USP33: variants seen among roughly 807,000 people sequenced by gnomAD.
USP33 encodes the protein ubiquitin specific peptidase 33.
Under a neutral mutation model 124.2 loss-of-function variants are expected in USP33, and 46 were observed. That is an observed-to-expected ratio of 0.37 (90% CI 0.29 to 0.47). The LOEUF is 0.47. Among genes scored for constraint, USP33 ranks in the 20% least tolerant of loss-of-function variants. USP33 has a pLI of 0.99. For synonymous variants in USP33, 350 were observed against 352.3 expected (o/e 0.99, Z 0.07); for missense variants, 851 against 1,070.6 (o/e 0.79, Z 2.86).
At chr1:77,704,100 GCAA>G (rs1674347048) in intron 21 of USP33, among the ~76,000 whole-genome samples, 1 of 150,216 alleles carries the variant, frequency 6.7e-6, no homozygotes, top group East Asian at 1.9e-4. Context: ...GGGCAAAAGA[GCAA>G]CAACTTGTCT....
chr1:77,724,330 G>A (rs991629758), intron 11 of USP33, among the ~76,000 whole-genome samples: 2 of 152,106 alleles, frequency 1.3e-5, no homozygotes, highest in East Asian at 3.8e-4. Flanking sequence ...CTAGCTATAT[G>A]ATTTATAAAT....
chr1:77,711,827 G>C lies in USP33; in HGVS notation c.2326C>G (p.Leu776Val), dbSNP rs770098500. The C allele has an allele frequency of 6.2e-7, 1 of 1,607,236 alleles. No homozygotes were observed. The highest frequency in any genetic ancestry group is 1.1e-5 in the South Asian group (1 of 89,334). The part of the protein sequence containing the change: ...RYGGGPAVNH[L>V]YICHTCQIEA... Reference sequence around the variant, plus strand: ...ATTTGGCAAGTATGACAAATGTACAGATGGTTGACAGCTGGTCCTCCACCA... The same window carrying C: ...ATTTGGCAAGTATGACAAATGTACACATGGTTGACAGCTGGTCCTCCACCA... Residue 776 changes from leucine (L) to valine (V), a missense_variant, in exon 21 of 24, where the codon CTG becomes GTG. Physicochemically the swap from Leu to Val is conservative, Grantham distance 32 (BLOSUM62 1). Coordinates refer to ENST00000370794, the MANE Select transcript of USP33 (RefSeq NM_201624.3).
At position 77,741,340 on chromosome 1, in the gene USP33, T is replaced by C. The variant is rs112274913; in HGVS notation, c.135+36A>G. ...TTATTCAGATCCAAATTTATTATTA[T>C]TATAGCAATCTTTTCAGGAAAAAAC... On this transcript the variant is annotated intron_variant, in intron 3 of 23. Transcript: ENST00000370794. 1.2e-4 allele frequency: 191 copies of C among 1,561,064 alleles called. 1 individual carries two copies. Among genetic ancestry groups the C allele is most frequent in the African/African-American group, 1.1e-3 (83 of 72,408 alleles).
At chr1:77,744,722 A>G (rs1040031381) in intron 1 of USP33, among the ~76,000 whole-genome samples, 13 of 152,144 alleles carry the variant, frequency 8.5e-5, no homozygotes, top group Admixed American at 5.9e-4. Flanking sequence ...GCACGTGCCT[A>G]TAGTCCCACC....
intron 1 of USP33, among the ~76,000 whole-genome samples, chr1:77,743,998 C>T (rs1679436250): frequency 2.0e-5 from 3 of 151,932 alleles, no homozygotes; most frequent in African/African-American, 7.3e-5. Flanking sequence ...GTGGTGTGCA[C>T]CTATAGTCCC....
chr1:77,711,792 C>T lies in USP33; in HGVS notation c.2361G>A (p.Glu787=), dbSNP rs1287760986. Residue 787 remains glutamate (E), a synonymous_variant, in exon 21 of 24, where the codon GAG becomes GAA. Coordinates refer to ENST00000370794, the MANE Select transcript of USP33 (RefSeq NM_201624.3). ...YICHTCQIEA[E]KIEKRRKTEL... ...CAGTTTTTCTTCTTTTTTCAATTTT[C>T]TCCGCCTCAATTTGGCAAGTATGAC... The T allele has an allele frequency of 1.2e-6, 2 of 1,609,054 alleles. No individual in the cohort carries two copies. Among genetic ancestry groups the T allele is most frequent in the Non-Finnish European group, 1.7e-6 (2 of 1,178,564 alleles).
chr1:77,739,340 C>A lies in USP33; in HGVS notation c.276G>T (p.Leu92Phe), dbSNP rs779367299. ...AAGGCTGAGTTCCTAATTTCCTATC[C>A]AAAAATACTTCTTTGCTGCAAGCAT... The part of the protein sequence containing the change: ...WCYACSKEVF[L>F]DRKLGTQPSL... The change falls in exon 5 of 24, where the codon TTG (leucine) becomes TTT (phenylalanine). Residue 92 changes from leucine to phenylalanine, a missense_variant. Transcript: ENST00000370794. 8 of 1,613,582 alleles carry A rather than the reference C, an allele frequency of 5.0e-6. No homozygotes were observed. Among genetic ancestry groups the A allele is most frequent in the Non-Finnish European group, 6.8e-6 (8 of 1,179,850 alleles).
chr1:77,732,123 A>C lies in USP33; in HGVS notation c.525-1392T>G, dbSNP rs548527130. On this transcript the variant is annotated intron_variant, in intron 7 of 23. Transcript: ENST00000370794. ...TGTCTCTAACTTAAAAAAAAAAAAAAAAACCAGAATTCTGCTAGTACTTAC... is the reference window on the plus strand; with the variant it reads ...TGTCTCTAACTTAAAAAAAAAAAAACAAACCAGAATTCTGCTAGTACTTAC... 9.9e-4 allele frequency among the ~76,000 whole-genome samples: 151 copies of C among 152,048 alleles called. 1 individual carries two copies. Among genetic ancestry groups the C allele is most frequent in the African/African-American group, 3.3e-3 (137 of 41,438 alleles).
At chr1:77,755,945 G>A (rs1680764223) in intron 1 of USP33, among the ~76,000 whole-genome samples, 1 of 152,156 alleles carries the variant, frequency 6.6e-6, no homozygotes, top group Admixed American at 6.5e-5. Flanking sequence ...CCTTTTGAAT[G>A]ACTGGTCATC....
intron 5 of USP33, 78 bp downstream of exon 5, chr1:77,739,187 A>G: frequency 6.6e-7 from 1 of 1,516,912 alleles, no homozygotes; most frequent in Non-Finnish European, 8.9e-7. Flanking sequence ...TTCCTTTTGA[A>G]AATTTCAGCT....
At chr1:77,728,218 A>C in intron 10 of USP33, 77 bp downstream of exon 10, 1 of 1,403,368 alleles carries the variant, frequency 7.1e-7, no homozygotes. Flanking sequence ...AGAAATACCC[A>C]AAGTAACAAT....
Position 77,718,629 on chromosome 1 carries a change from T to G in USP33, c.1704A>C (p.Gly568=). Residue 568 remains glycine, a synonymous_variant, in exon 16 of 24, where the codon GGA becomes GGC. Coordinates refer to ENST00000370794, the MANE Select transcript of USP33 (RefSeq NM_201624.3). Reference sequence around the variant, plus strand: ...AGTTTTGTACTTTACAAAACTTCACTCCATTTCTCAACCTAAGGGGAGAAA... The same window carrying G: ...AGTTTTGTACTTTACAAAACTTCACGCCATTTCTCAACCTAAGGGGAGAAA... ...SCEKCKKLRN[G]VKFCKVQNFP... is the part of the protein sequence containing the mutation. 6.2e-7 allele frequency: 1 copy of G among 1,608,990 alleles called. No homozygotes were observed. Among genetic ancestry groups the G allele is most frequent in the Non-Finnish European group, 8.5e-7 (1 of 1,176,860 alleles).
At chr1:77,745,892 G>A (rs1174923110) in intron 1 of USP33, among the ~76,000 whole-genome samples, 1 of 152,080 alleles carries the variant, frequency 6.6e-6, no homozygotes, top group Non-Finnish European at 1.5e-5. Context: ...GTGTGTAGAG[G>A]GAAATTTATA....
intron 1 of USP33, among the ~76,000 whole-genome samples, chr1:77,752,421 G>A (rs927087993): frequency 6.6e-6 from 1 of 152,190 alleles, no homozygotes; most frequent in African/African-American, 2.4e-5. Context: ...TTACAGGAGT[G>A]AGCCACTGCG....
chr1:77,703,133 T>C (rs1674232745), intron 21 of USP33, among the ~76,000 whole-genome samples: 1 of 152,138 alleles, frequency 6.6e-6, no homozygotes, highest in African/African-American at 2.4e-5. Context: ...GACCTCATCT[T>C]CTTTCTTCCT....
At chr1:77,739,143 T>C (rs943390309) in intron 5 of USP33, 122 bp downstream of exon 5, 1 of 1,171,398 alleles carries the variant, frequency 8.5e-7, no homozygotes, top group African/African-American at 1.6e-5. Flanking sequence ...AAAAGGCACA[T>C]TACAGAAATT....
At position 77,697,418 on chromosome 1, in the gene USP33, C is replaced by T; in HGVS notation, c.2635G>A (p.Gly879Ser). 2 of 1,612,432 alleles carry T rather than the reference C, an allele frequency of 1.2e-6. No homozygotes were observed. The highest frequency in any genetic ancestry group is 1.1e-5 in the South Asian group (1 of 90,598). ...ETWNFLQSIY[G>S]GGPEVILRPP... is the part of the protein sequence containing the mutation. ...CGCAGGATAACTTCAGGCCCTCCAC[C>T]ATAAATAGACTGCAGAAAATTCCAT... The change falls in exon 24 of 24, where the codon GGT becomes AGT. Residue 879 changes from glycine to serine, a missense_variant. Transcript: ENST00000370794.
chr1:77,713,389 T>C (rs1675494386), intron 19 of USP33, 108 bp from the exon 20 acceptor site: 8 of 950,046 alleles, frequency 8.4e-6, no homozygotes, highest in Admixed American at 6.0e-5. Context: ...CAATCATCAT[T>C]GTTTTTTTAA....
In USP33 at chr1:77,729,860, C is replaced by G. The variant is rs757726751; in HGVS notation, c.717G>C (p.Gln239His). The change falls in exon 9 of 24, where the codon CAG (glutamine) becomes CAC (histidine). Residue 239 changes from glutamine to histidine, a missense_variant and splice_region_variant. Gln to His is a conservative substitution (Grantham distance 24, BLOSUM62 0). Around this residue, in one of 4 missense-constraint regions of USP33, gnomAD observed 221 missense variants for 302.9 expected, o/e 0.73. Coordinates refer to ENST00000370794, the MANE Select transcript of USP33 (RefSeq NM_201624.3). The part of the protein sequence containing the change: ...VNPTFRGYSQ[Q>H]DAQEFLRCLM... ...TACAAATGAAAAGCAATAAACTAAC[C>G]TGCTGAGAATACCCCCGAAATGTTG... 1 of 1,612,736 alleles carries G rather than the reference C, an allele frequency of 6.2e-7. No homozygotes were observed. Among genetic ancestry groups the G allele is most frequent in the African/African-American group, 1.3e-5 (1 of 74,858 alleles).
Sources: gnomAD v4.1 joint callset for allele counts (sites outside exome capture counted in the v4.1 genomes callset) on GRCh38, gnomAD v4.1.1 for gene constraint, gnomAD v4.1.1 regional missense constraint, MANE v1.5 for transcripts, NCBI Gene and HGNC (gene_info 2026-07-23, HGNC 2026-07-21) for gene names.